Variants in CPED1 observed in about 807,000 individuals in gnomAD.
CPED1 encodes cadherin like and PC-esterase domain containing 1, also known as cadherin-like and PC-esterase domain-containing protein 1.
Under a neutral mutation model 128.2 loss-of-function variants are expected in CPED1, and 114 were observed. The ratio of observed to expected loss-of-function variants is 0.89; its 90% CI spans 0.76 to 1.04. The LOEUF is 1.04. Among genes scored for constraint, CPED1 ranks in the 50% least tolerant of loss-of-function variants. CPED1 has a pLI of 0.00. For synonymous variants in CPED1, 462 were observed against 426.7 expected (o/e 1.08, Z -1.02); for missense variants, 1,211 against 1,207.1 (o/e 1.00, Z -0.05).
At chr7:121,128,649 C>G (rs1394660638) in intron 11 of CPED1, among the ~76,000 whole-genome samples, 163 bp downstream of exon 11, 1 of 151,962 alleles carries the variant, frequency 6.6e-6, no homozygotes, top group African/African-American at 2.4e-5. Context: ...GCAAAATGAG[C>G]AAGATTTATA....
At chr7:121,056,330 T>C (rs750463313) in intron 4 of CPED1, among the ~76,000 whole-genome samples, 1 of 152,152 alleles carries the variant, frequency 6.6e-6, no homozygotes, top group Non-Finnish European at 1.5e-5. Flanking sequence ...AAGGGCAATC[T>C]CCTATTTAAA....
At chr7:121,220,947 T>G (rs1005211714) in intron 16 of CPED1, among the ~76,000 whole-genome samples, 1 of 151,938 alleles carries the variant, frequency 6.6e-6, no homozygotes, top group Non-Finnish European at 1.5e-5. Flanking sequence ...CTTATATATA[T>G]CTCCATATCT....
intron 18 of CPED1, among the ~76,000 whole-genome samples, chr7:121,263,696 C>A (rs1792063296): frequency 6.6e-6 from 1 of 151,964 alleles, no homozygotes. Context: ...TTGTTTTTCT[C>A]AGTAATATAT....
chr7:121,045,311 A>G (rs1420202550), intron 3 of CPED1, among the ~76,000 whole-genome samples: 3 of 152,164 alleles, frequency 2.0e-5, no homozygotes, highest in Non-Finnish European at 4.4e-5. Context: ...ACATCAAGCA[A>G]ACAGAGAAGT....
At chr7:121,240,290 C>T (rs1055734775) in intron 17 of CPED1, among the ~76,000 whole-genome samples, 1 of 152,106 alleles carries the variant, frequency 6.6e-6, no homozygotes, top group Non-Finnish European at 1.5e-5. Context: ...TCAGTTTTTA[C>T]AAAATTAGCT....
At chr7:121,231,098 A>G (rs551214361) in intron 16 of CPED1, among the ~76,000 whole-genome samples, 1 of 152,084 alleles carries the variant, frequency 6.6e-6, no homozygotes, top group Non-Finnish European at 1.5e-5. Flanking sequence ...AAGTAAGAGC[A>G]CTAAGGGCAT....
At chr7:120,995,879 TCTTCTTCTTCTTCTTCTTCC>T in intron 2 of CPED1, among the ~76,000 whole-genome samples, 2 of 94,222 alleles carry the variant, frequency 2.1e-5, no homozygotes, top group African/African-American at 8.5e-5. Flanking sequence ...TTCCTCTTCT[TCTTCTTCTTCTTCTTCTTCC>T]TCTTCTTCTT....
intron 16 of CPED1, among the ~76,000 whole-genome samples, chr7:121,198,617 G>A (rs1382383045): frequency 6.6e-6 from 1 of 152,038 alleles, no homozygotes; most frequent in Non-Finnish European, 1.5e-5. Context: ...TGCCATTGGG[G>A]TTGTCTTCTT....
intron 18 of CPED1, among the ~76,000 whole-genome samples, chr7:121,248,328 A>G (rs7810755): frequency 0.31 from 47,682 of 151,958 alleles, 7,772 homozygotes; most frequent in Middle Eastern, 0.44. Context: ...GGAGCCCCAC[A>G]GCTTGGATCA....
In CPED1 at chr7:121,124,491, A is replaced by AT. The variant is rs745371610; in HGVS notation, c.1061+21dup. ...TTCCATAGGTAAAAAACAAATTTTA[A>AT]TTTAAAAAAAAAAGAAAAGAAAGAA... On this transcript the variant is annotated intron_variant, in intron 8 of 22. Transcript: ENST00000310396. 1 of 1,419,672 alleles carries AT rather than the reference A, an allele frequency of 7.0e-7. No individual in the cohort carries two copies. The highest frequency in any genetic ancestry group is 9.3e-7 in the Non-Finnish European group (1 of 1,071,030). The allele number at this position is 1,419,672 out of a possible 1,614,324, so 87.9% of individuals were successfully genotyped here. A position where few individuals can be genotyped will look rare whatever the true frequency, so the allele number is the denominator to read the frequency against.
Position 121,128,342 on chromosome 7 carries a change from T to A in CPED1, c.1303-40T>A, listed in dbSNP as rs184908079. 1.2e-4 allele frequency: 136 copies of A among 1,169,482 alleles called. No individual in the cohort carries two copies. The African/African-American group carries it at 1.7e-3, about 15-fold the overall frequency. The allele number at this position is 1,169,482 out of a possible 1,614,324, so 72.4% of individuals were successfully genotyped here. On this transcript the variant is annotated intron_variant, in intron 10 of 22. Coordinates refer to ENST00000310396, the MANE Select transcript of CPED1 (RefSeq NM_024913.5). ...TAATTGGGTTGAACATGGTTTGACTTTTTAACAATTGCTTAAGTTCTTTCC... is the reference window on the plus strand; with the variant it reads ...TAATTGGGTTGAACATGGTTTGACTATTTAACAATTGCTTAAGTTCTTTCC...
intron 2 of CPED1, among the ~76,000 whole-genome samples, chr7:120,990,700 C>T (rs573395858): frequency 2.0e-5 from 3 of 152,174 alleles, no homozygotes; most frequent in South Asian, 2.1e-4. Context: ...TTTTATGTTA[C>T]AACAAGTAGT....
intron 16 of CPED1, among the ~76,000 whole-genome samples, chr7:121,191,158 C>T (rs1797128245): frequency 6.6e-6 from 1 of 152,056 alleles, no homozygotes; most frequent in South Asian, 2.1e-4. Flanking sequence ...AGTAAAAGAA[C>T]TGTTTGATTC....
At chr7:121,032,736 A>C (rs1271428069) in intron 3 of CPED1, among the ~76,000 whole-genome samples, 2 of 152,162 alleles carry the variant, frequency 1.3e-5, no homozygotes, top group African/African-American at 4.8e-5. Flanking sequence ...GGAAAAAAAA[A>C]ACAACACTTC....
chr7:121,017,118 A>G (rs1792324277), intron 3 of CPED1, among the ~76,000 whole-genome samples: 1 of 152,232 alleles, frequency 6.6e-6, no homozygotes, highest in Non-Finnish European at 1.5e-5. Context: ...AACAGAGCCC[A>G]GAAGATCTGC....
At chr7:120,992,377 A>G (rs1188642128) in intron 2 of CPED1, among the ~76,000 whole-genome samples, 2 of 152,300 alleles carry the variant, frequency 1.3e-5, no homozygotes, top group East Asian at 3.9e-4. Flanking sequence ...TGGATTCCAG[A>G]ATGTATTTAG....
chr7:121,271,533 C>A, intron 22 of CPED1, 103 bp downstream of exon 22: 1 of 1,169,464 alleles, frequency 8.6e-7, no homozygotes, highest in Non-Finnish European at 1.2e-6. Flanking sequence ...AAACAAAAAA[C>A]AATGTCAGGT....
chr7:121,235,793 A>C (rs1240032839), intron 16 of CPED1, among the ~76,000 whole-genome samples: 3 of 152,144 alleles, frequency 2.0e-5, no homozygotes, highest in African/African-American at 7.2e-5. Context: ...AAGGAAACAA[A>C]GGGGGAGCTG....
chr7:121,208,829 T>G (rs780222681), intron 16 of CPED1, among the ~76,000 whole-genome samples: 1 of 152,024 alleles, frequency 6.6e-6, no homozygotes, highest in Non-Finnish European at 1.5e-5. Flanking sequence ...TAAAATATGA[T>G]TAATATTTTT....
Sources: gnomAD v4.1 joint callset for allele counts (sites outside exome capture counted in the v4.1 genomes callset) on GRCh38, gnomAD v4.1.1 for gene constraint, MANE v1.5 for transcripts, NCBI Gene and HGNC (gene_info 2026-07-23, HGNC 2026-07-21) for gene names.